The following CAMTA1 variants were observed in gnomAD, a reference collection of about 807,000 sequenced individuals.
CAMTA1 encodes the protein calmodulin binding transcription activator 1.
In CAMTA1, 27 loss-of-function variants were observed where a neutral mutation model predicts 170.9. The ratio of observed to expected loss-of-function variants is 0.16; its 90% CI spans 0.12 to 0.22. The LOEUF is 0.22. Among genes scored for constraint, CAMTA1 ranks in the 10% least tolerant of loss-of-function variants. The probability of loss-of-function intolerance (pLI) is 1.00; values close to 1 mark genes in which losing one functional copy is unlikely to be tolerated. For missense variants in CAMTA1, 1,619 were observed against 2,217.2 expected (o/e 0.73, Z 5.42); for synonymous variants, 833 against 891.5 (o/e 0.93, Z 1.17).
intron 3 of CAMTA1, among the ~76,000 whole-genome samples, chr1:6,890,568 CTT>C (rs796766815): frequency 2.1e-4 from 30 of 141,266 alleles, no homozygotes; most frequent in African/African-American, 5.4e-4. Flanking sequence ...GGACAGTTTT[CTT>C]TTTTTTTTTT....
Position 7,499,943 on chromosome 1 carries a change from AGT to A in CAMTA1, c.510+32048_510+32049del, listed in dbSNP as rs1301109928. On this transcript the variant is annotated intron_variant, in intron 6 of 22. Transcript: ENST00000303635. ...CATGAGTGAGTGTGCAGAGAGGATGAGTGTGTGGAGAGGACTGTGTGAGCCTG... is the reference window on the plus strand; with the variant it reads ...CATGAGTGAGTGTGCAGAGAGGATGAGTGTGGAGAGGACTGTGTGAGCCTG... Among the ~76,000 whole-genome samples, 7 of 138,268 alleles carry A rather than the reference AGT, an allele frequency of 5.1e-5. 1 individual carries two copies. The highest frequency in any genetic ancestry group is 1.9e-4 in the African/African-American group (7 of 36,098). 90.7% of individuals were successfully genotyped at this position (138,268 alleles called of 152,430 possible).
At chr1:6,905,675 G>C (rs1166724930) in intron 3 of CAMTA1, among the ~76,000 whole-genome samples, 1 of 152,130 alleles carries the variant, frequency 6.6e-6, no homozygotes, top group Admixed American at 6.5e-5. Context: ...CCTCTTCTCT[G>C]TATTGTCCGT....
At chr1:7,359,609 T>C (rs1189275559) in intron 5 of CAMTA1, among the ~76,000 whole-genome samples, 1 of 152,210 alleles carries the variant, frequency 6.6e-6, no homozygotes, top group East Asian at 1.9e-4. Context: ...TTTCACTCTT[T>C]TGTAGCAGGA....
chr1:7,658,174 G>C (rs2095921626), intron 7 of CAMTA1, among the ~76,000 whole-genome samples: 1 of 152,206 alleles, frequency 6.6e-6, no homozygotes, highest in African/African-American at 2.4e-5. Context: ...TTCAAATTCA[G>C]CAGGGATCTT....
intron 5 of CAMTA1, among the ~76,000 whole-genome samples, chr1:7,347,171 C>T (rs1192690672): frequency 2.0e-5 from 3 of 152,330 alleles, no homozygotes; most frequent in Admixed American, 6.5e-5. Context: ...GGGAGAGCGG[C>T]GGATGGTTCT....
intron 6 of CAMTA1, among the ~76,000 whole-genome samples, chr1:7,530,812 G>GTTTTTTT (rs34013817): frequency 7.9e-5 from 8 of 100,774 alleles, no homozygotes; most frequent in East Asian, 3.1e-4. Context: ...GTGAGCTCTT[G>GTTTTTTT]TTTTTTTTTT....
chr1:7,186,724 A>G (rs115385751), intron 4 of CAMTA1, among the ~76,000 whole-genome samples: 2,311 of 152,288 alleles, frequency 0.015, 60 homozygotes, highest in African/African-American at 0.051. Flanking sequence ...TTATTCACGC[A>G]TTAACATCTT....
intron 3 of CAMTA1, among the ~76,000 whole-genome samples, chr1:7,013,281 G>A (rs6681921): frequency 0.064 from 9,135 of 143,344 alleles, 335 homozygotes; most frequent in Middle Eastern, 0.15. Context: ...GCAGTGGCAC[G>A]GTGTTATCTC....
intron 3 of CAMTA1, among the ~76,000 whole-genome samples, chr1:7,024,028 CAAAA>C (rs35095557): frequency 4.2e-5 from 4 of 96,128 alleles, no homozygotes; most frequent in Admixed American, 1.1e-4. Flanking sequence ...GACTCTGTCT[CAAAA>C]AAAAAAAAAA....
chr1:7,372,475 A>G (rs1424815533), intron 5 of CAMTA1, among the ~76,000 whole-genome samples: 4 of 152,208 alleles, frequency 2.6e-5, no homozygotes, highest in Admixed American at 2.6e-4. Flanking sequence ...GTCGAGCTGC[A>G]CGTCTTTCCT....
chr1:7,460,737 C>T (rs1384601212), intron 5 of CAMTA1, among the ~76,000 whole-genome samples: 4 of 152,076 alleles, frequency 2.6e-5, no homozygotes, highest in South Asian at 4.2e-4. Flanking sequence ...AGCTTTATAC[C>T]CTGGACACAT....
chr1:7,649,180 A>G (rs759480773), intron 7 of CAMTA1, among the ~76,000 whole-genome samples: 71 of 152,238 alleles, frequency 4.7e-4, no homozygotes, highest in Non-Finnish European at 5.9e-5. Flanking sequence ...GTGCCGGCAC[A>G]TGGTGGAGCC....
At chr1:7,068,486 C>T (rs536189360) in intron 3 of CAMTA1, among the ~76,000 whole-genome samples, 91 of 152,164 alleles carry the variant, frequency 6.0e-4, no homozygotes, top group African/African-American at 1.4e-3. Context: ...AAAGAGAGGA[C>T]GGCCTGATCA....
chr1:6,879,956 A>G (rs901754317), intron 3 of CAMTA1, among the ~76,000 whole-genome samples: 1 of 151,964 alleles, frequency 6.6e-6, no homozygotes, highest in Non-Finnish European at 1.5e-5. Context: ...AAGTGAAACC[A>G]CTTGTTACTC....
rs546652427 is a variant in CAMTA1, at chr1:7,338,969, T to G, written c.438+89343T>G. ...GAAGAGGAAGCAGGTATGTCTTACA[T>G]GCCTGGAGCAGGAGGATGAGAGAGA... On this transcript the variant is annotated intron_variant, in intron 5 of 22. Transcript: ENST00000303635. 2.6e-5 allele frequency among the ~76,000 whole-genome samples: 4 copies of G among 152,294 alleles called. No homozygotes were observed. The South Asian group carries it at 6.2e-4, about 24-fold the overall frequency.
chr1:7,361,595 AACTTTTCCAC>A (rs1480839079), intron 5 of CAMTA1, among the ~76,000 whole-genome samples: 1 of 152,232 alleles, frequency 6.6e-6, no homozygotes, highest in Admixed American at 6.5e-5. Flanking sequence ...CCACCTGAGC[AACTTTTCCAC>A]AGTGTGACTT....
chr1:6,897,536 A>G (rs1368208232), intron 3 of CAMTA1, among the ~76,000 whole-genome samples: 1 of 136,868 alleles, frequency 7.3e-6, no homozygotes, highest in Admixed American at 7.5e-5. Flanking sequence ...TTGCTTTTGA[A>G]GTTAATGTGG....
chr1:7,438,749 C>G (rs17030837), intron 5 of CAMTA1, among the ~76,000 whole-genome samples: 13,732 of 152,160 alleles, frequency 0.09, 1,822 homozygotes, highest in African/African-American at 0.29. Context: ...CAAAGGGCCT[C>G]GAGGGTCCTG....
At chr1:7,750,118 C>T (rs1351659534) in intron 19 of CAMTA1, among the ~76,000 whole-genome samples, 2 of 152,176 alleles carry the variant, frequency 1.3e-5, no homozygotes, top group African/African-American at 4.8e-5. Flanking sequence ...GTGTAGTGTG[C>T]ACAGGTGGAG....
Sources: allele counts gnomAD v4.1 joint callset (sites outside exome capture counted in the v4.1 genomes callset), GRCh38; gene constraint gnomAD v4.1.1; transcripts MANE v1.5; gene names NCBI Gene and HGNC (gene_info 2026-07-23, HGNC 2026-07-21).